The following COL4A3 variants were observed in gnomAD, a reference collection of about 807,000 sequenced individuals.
COL4A3 encodes the protein collagen alpha-3(IV) chain.
COL4A3 carries 135 observed loss-of-function variants against 217.4 expected under a neutral mutation model. The observed-to-expected ratio is 0.62, with a 90% CI of 0.54 to 0.72. The LOEUF is 0.72. COL4A3 is among the 30% of genes least tolerant of loss of function. COL4A3 has a pLI of 0.00. For missense variants in COL4A3, 1,868 were observed against 2,119.9 expected (o/e 0.88, Z 2.33); for synonymous variants, 690 against 736.3 (o/e 0.94, Z 1.02).
chr2:227,295,172 T>C, intron 40 of COL4A3, 97 bp from the exon 41 acceptor site: 4 of 1,508,196 alleles, frequency 2.7e-6, no homozygotes, highest in Non-Finnish European at 3.7e-6. Context: ...GAACTGATTA[T>C]CTTTAACATG....
At chr2:227,199,130 G>C (rs1424631032) in intron 1 of COL4A3, among the ~76,000 whole-genome samples, 2 of 152,228 alleles carry the variant, frequency 1.3e-5, no homozygotes, top group Non-Finnish European at 2.9e-5. Flanking sequence ...GTTAGGCTCA[G>C]AGGAACATAT....
chr2:227,211,505 C>T, intron 1 of COL4A3, among the ~76,000 whole-genome samples: 1 of 152,290 alleles, frequency 6.6e-6, no homozygotes, highest in South Asian at 2.1e-4. Context: ...GGTGGAATTG[C>T]TGTAGGTTTG....
Position 227,211,465 on chromosome 2 carries a change from A to G in COL4A3, c.88-26503A>G, listed in dbSNP as rs1176676081. On this transcript the variant is annotated intron_variant, in intron 1 of 51. Coordinates refer to ENST00000396578, the MANE Select transcript of COL4A3 (RefSeq NM_000091.5). ...TTTGCACATTTGTCCTGATGCAAGT[A>G]TGTCAGGGTTTCTCCAGGGAATACA... is the stretch of plus-strand genomic sequence containing the variant. Among the ~76,000 whole-genome samples, 12 of 152,166 alleles carry G rather than the reference A, an allele frequency of 7.9e-5. 2 individuals are homozygous for G. The East Asian group carries it at 2.3e-3, about 29-fold the overall frequency.
intron 41 of COL4A3, among the ~76,000 whole-genome samples, chr2:227,295,854 T>A (rs2073005582): frequency 6.6e-6 from 1 of 152,240 alleles, no homozygotes; most frequent in Non-Finnish European, 1.5e-5. Flanking sequence ...GTTTTTTGTT[T>A]GGCAGGCCAC....
intron 26 of COL4A3, among the ~76,000 whole-genome samples, chr2:227,276,096 T>G (rs533087243): frequency 6.6e-6 from 1 of 152,308 alleles, no homozygotes; most frequent in South Asian, 2.1e-4. Flanking sequence ...CTAATCCTAA[T>G]GTAAGAGGGT....
intron 1 of COL4A3, among the ~76,000 whole-genome samples, chr2:227,188,232 A>T (rs919488136): frequency 6.6e-6 from 1 of 152,110 alleles, no homozygotes; most frequent in African/African-American, 2.4e-5. Flanking sequence ...TTGTAAAAAA[A>T]AAAATCACTT....
chr2:227,195,383 C>T (rs904839624), intron 1 of COL4A3, among the ~76,000 whole-genome samples: 3 of 152,076 alleles, frequency 2.0e-5, no homozygotes, highest in African/African-American at 4.8e-5. Context: ...AACAAAGACA[C>T]ACCCCACATG....
rs1297641286 is a variant in COL4A3 at position 227,311,819 on chromosome 2, A to G, written c.4962A>G (p.Glu1654=). The change falls in exon 52 of 52, where the codon GAA becomes GAG. Residue 1654 remains glutamate (E), a synonymous_variant. Coordinates refer to ENST00000396578, the MANE Select transcript of COL4A3 (RefSeq NM_000091.5). The part of the protein sequence containing the change: ...KPIPSTVKAG[E]LEKIISRCQV... ...TTCCATCAACTGTGAAAGCTGGGGA[A>G]TTAGAAAAAATAATAAGTCGCTGTC... 3 of 1,614,050 alleles carry G rather than the reference A, an allele frequency of 1.9e-6. No homozygotes were observed. In the Admixed American group the frequency reaches 5.0e-5, roughly 27 times the overall value.
At chr2:227,220,791 A>G (rs1283026195) in intron 1 of COL4A3, among the ~76,000 whole-genome samples, 2 of 152,200 alleles carry the variant, frequency 1.3e-5, no homozygotes, top group African/African-American at 4.8e-5. Context: ...GACAAAGTGT[A>G]TTGAAGATTT....
rs571831029 is a variant in COL4A3, at chr2:227,246,594, T to A, written c.388-91T>A. 34 of 1,029,952 alleles carry A rather than the reference T, an allele frequency of 3.3e-5. No individual in the cohort carries two copies. In the African/African-American group the frequency reaches 5.2e-4, roughly 16 times the overall value. 63.8% of individuals were successfully genotyped at this position (1,029,952 alleles called of 1,614,324 possible). On this transcript the variant is annotated intron_variant, in intron 6 of 51. Coordinates refer to ENST00000396578, the MANE Select transcript of COL4A3 (RefSeq NM_000091.5). ...CGGGTTACTTTGTCTAGATTTACCA[T>A]TGCAAGGTTGGAAGCGAGAAACAGG...
chr2:227,212,161 G>T (rs965724818), intron 1 of COL4A3, among the ~76,000 whole-genome samples: 3 of 148,456 alleles, frequency 2.0e-5, no homozygotes, highest in African/African-American at 4.9e-5. Flanking sequence ...TGTTTTTTTT[G>T]TTTTTTTTTG....
At chr2:227,193,089 T>A (rs1476881798) in intron 1 of COL4A3, among the ~76,000 whole-genome samples, 3 of 152,182 alleles carry the variant, frequency 2.0e-5, no homozygotes, top group African/African-American at 7.2e-5. Context: ...AGAAACTGAA[T>A]AATGCAATTA....
rs72977853 is a variant in COL4A3 at position 227,228,729 on chromosome 2, C to A, written c.88-9239C>A. ...TGTGCATATTTCCTGATCCTTTTAA[C>A]GAACAATAAAAATGGATGTGTTTAA... On this transcript the variant is annotated intron_variant, in intron 1 of 51. Transcript: ENST00000396578. 4 of 152,080 alleles carry A rather than the reference C, an allele frequency of 2.6e-5. No individual in the cohort carries two copies. The East Asian group carries it at 7.7e-4, about 29-fold the overall frequency. The allele number at this position is 152,080 out of a possible 1,614,324, so 9.4% of individuals were successfully genotyped here.
At chr2:227,203,163 ATGTGTATATATGTGTATATG>A (rs1322432649) in intron 1 of COL4A3, among the ~76,000 whole-genome samples, 1 of 27,802 alleles carries the variant, frequency 3.6e-5, no homozygotes, top group East Asian at 1.1e-3. Flanking sequence ...ATATACATAT[ATGTGTATATATGTGTATATG>A]TGTGTATATA....
chr2:227,262,838 G>A (rs1409676575), intron 20 of COL4A3, among the ~76,000 whole-genome samples: 1 of 152,142 alleles, frequency 6.6e-6, no homozygotes, highest in Non-Finnish European at 1.5e-5. Flanking sequence ...CAAGCATACA[G>A]CTAGATAGAA....
chr2:227,202,975 A>G (rs1418487029), intron 1 of COL4A3, among the ~76,000 whole-genome samples: 3 of 35,582 alleles, frequency 8.4e-5, no homozygotes, highest in Middle Eastern at 0.018. Flanking sequence ...ATATATGTGT[A>G]TATATACATA....
rs2070528954 is a variant in COL4A3, at chr2:227,261,056, A to G, written c.1115-26A>G. 3 of 1,594,288 alleles carry G rather than the reference A, an allele frequency of 1.9e-6. No homozygotes were observed. In the African/African-American group the frequency reaches 4.0e-5, roughly 21 times the overall value. On this transcript the variant is annotated intron_variant, in intron 19 of 51. Transcript: ENST00000396578. Reference sequence around the variant, plus strand: ...GGACAGCATTTATATCTTTCTAAGCAATTAATTAATGTTATATATTCCCAG... The same window carrying G: ...GGACAGCATTTATATCTTTCTAAGCGATTAATTAATGTTATATATTCCCAG...
In COL4A3 at chr2:227,257,269, A is replaced by G. The variant is rs112334121; in HGVS notation, c.988-334A>G. On this transcript the variant is annotated intron_variant, in intron 17 of 51. Coordinates refer to ENST00000396578, the MANE Select transcript of COL4A3 (RefSeq NM_000091.5). The stretch of plus-strand genomic sequence containing the variant: ...AGCTGGGACACTTGGAAATGCATAC[A>G]CCCCACAGACTGATATTCCTGTGCC... Among the ~76,000 whole-genome samples the G allele has an allele frequency of 3.0e-3, 453 of 152,244 alleles. 1 individual carries two copies. The highest frequency in any genetic ancestry group is 0.011 in the African/African-American group (444 of 41,554).
chr2:227,229,998 C>T (rs1005759525), intron 1 of COL4A3, among the ~76,000 whole-genome samples: 1 of 151,014 alleles, frequency 6.6e-6, no homozygotes, highest in Non-Finnish European at 1.5e-5. Context: ...TTGCAGTGAG[C>T]CGAGACCGTG....
Sources: gnomAD v4.1 joint callset for allele counts (sites outside exome capture counted in the v4.1 genomes callset) on GRCh38, gnomAD v4.1.1 for gene constraint, MANE v1.5 for transcripts, NCBI Gene and HGNC (gene_info 2026-07-23, HGNC 2026-07-21) for gene names.